PKM: variants seen among roughly 807,000 people sequenced by gnomAD.
The protein encoded by PKM is pyruvate kinase PKM.
A neutral mutation model predicts 49.8 loss-of-function variants in PKM; 18 were observed. The observed-to-expected ratio is 0.36, with a 90% CI of 0.25 to 0.54. The LOEUF is 0.54. PKM is among the 20% of genes least tolerant of loss of function. The pLI is 0.89. For synonymous variants in PKM, 239 were observed against 261.8 expected, an observed-to-expected ratio of 0.91 and a Z score of 0.84; for missense variants, 508 against 713.8, an observed-to-expected ratio of 0.71 and a Z score of 3.28.
intron 5 of PKM, 50 bp downstream of exon 5, chr15:72,209,623 T>C (rs772394445): frequency 1.3e-6 from 2 of 1,537,124 alleles, no homozygotes; most frequent in African/African-American, 1.4e-5. Context: ...CAAGGAAGTT[T>C]AGAGACAAAA....
chr15:72,210,334 G>A lies in PKM; in HGVS notation c.378+13C>T, dbSNP rs764026546. ...CTACTGAGCCTTCCCCTCGCTCTCC[G>A]CAGAATACTCACGCCCTTGATGAGC... is the stretch of plus-strand genomic sequence containing the variant. On this transcript the variant is annotated intron_variant, in intron 4 of 10. Coordinates refer to ENST00000335181, the MANE Select transcript of PKM (RefSeq NM_002654.6). 22 of 1,613,286 alleles carry A rather than the reference G, an allele frequency of 1.4e-5. No individual in the cohort carries two copies. The Admixed American group carries it at 2.2e-4, about 16-fold the overall frequency.
At chr15:72,217,843 C>G (rs892458512) in intron 2 of PKM, among the ~76,000 whole-genome samples, 1 of 152,196 alleles carries the variant, frequency 6.6e-6, no homozygotes, top group Admixed American at 6.5e-5. Context: ...TTTCCTAGGT[C>G]TTTAAGTTGC....
chr15:72,206,617 A>T, intron 8 of PKM, 111 bp downstream of exon 8: 1 of 1,088,702 alleles, frequency 9.2e-7, no homozygotes, highest in Non-Finnish European at 1.4e-6. Flanking sequence ...GAGGATAATG[A>T]AAGGCTGTGC....
At chr15:72,227,806 A>C in intron 1 of PKM, among the ~76,000 whole-genome samples, 1 of 150,130 alleles carries the variant, frequency 6.7e-6, no homozygotes, top group East Asian at 2.0e-4. Flanking sequence ...ACTAAAACCC[A>C]AGTAAAGTGA....
In PKM at chr15:72,207,148, C is replaced by G. The variant is rs1379467988; in HGVS notation, c.966G>C (p.Lys322Asn). The change falls in exon 7 of 11, where the codon AAG (lysine) becomes AAC (asparagine). Residue 322 changes from lysine to asparagine, a missense_variant. Transcript: ENST00000335181. ...ATGCCTGAGTAGCACAGATGACAGG[C>G]TTCCCAGCTCGGTTGCACCGTCCAA... Reference protein sequence around the residue: ...MMIGRCNRAGKPVICATQMLE... With the variant: ...MMIGRCNRAGNPVICATQMLE... 2 of 1,613,886 alleles carry G rather than the reference C, an allele frequency of 1.2e-6. No individual in the cohort carries two copies. The highest frequency in any genetic ancestry group is 1.7e-6 in the Non-Finnish European group (2 of 1,180,028).
At chr15:72,224,406 G>C (rs73438405) in intron 1 of PKM, among the ~76,000 whole-genome samples, 1 of 152,070 alleles carries the variant, frequency 6.6e-6, no homozygotes, top group South Asian at 2.1e-4. Context: ...CATTCTAGTC[G>C]GGGGGATAAA....
At chr15:72,199,826 C>G in intron 10 of PKM, 70 bp from the exon 11 acceptor site, 1 of 980,818 alleles carries the variant, frequency 1.0e-6, no homozygotes, top group Non-Finnish European at 1.6e-6. Flanking sequence ...GCAGCTGCCC[C>G]ATAGCCTGAG....
intron 3 of PKM, among the ~76,000 whole-genome samples, chr15:72,212,584 A>G (rs778128245): frequency 6.6e-6 from 1 of 152,212 alleles, no homozygotes; most frequent in African/African-American, 2.4e-5. Context: ...TACATGAAGT[A>G]TTAGGACAAA....
chr15:72,207,015 T>C, intron 7 of PKM, 112 bp downstream of exon 7: 1 of 1,490,520 alleles, frequency 6.7e-7, no homozygotes, highest in Non-Finnish European at 9.3e-7. Flanking sequence ...AAGGGGATTA[T>C]CTGTGTGTTA....
At chr15:72,208,532 G>A (rs1446496075) in intron 6 of PKM, 89 bp downstream of exon 6, 2 of 1,395,054 alleles carry the variant, frequency 1.4e-6, no homozygotes, top group Non-Finnish European at 1.0e-6. Context: ...ATTCTGATGG[G>A]CTAGGGGCTG....
chr15:72,226,956 G>T (rs1354675669), intron 1 of PKM, among the ~76,000 whole-genome samples: 5 of 152,318 alleles, frequency 3.3e-5, no homozygotes, highest in Admixed American at 3.3e-4. Context: ...CCCAACTCCT[G>T]AGCTGAGCAG....
Position 72,200,414 on chromosome 15 carries a change from A to G in PKM, c.1489+60T>C, listed in dbSNP as rs2081913191. The G allele has an allele frequency of 6.5e-7, 1 of 1,540,414 alleles. No individual in the cohort carries two copies. Among genetic ancestry groups the G allele is most frequent in the African/African-American group, 1.4e-5 (1 of 73,518 alleles). On this transcript the variant is annotated intron_variant, in intron 10 of 10. Transcript: ENST00000335181. This position sits in a 1 kb window ranked among gnomAD's most constrained non-coding sequence, Gnocchi z 4.6. ...CCCCAAACTTTCGGGGTCCCACAGA[A>G]GCCAATGCTCAAGCATCCCCAAGCT... is the stretch of plus-strand genomic sequence containing the variant.
chr15:72,229,435 A>G (rs2082779768), intron 1 of PKM: 1 of 557,722 alleles, frequency 1.8e-6, no homozygotes, highest in Admixed American at 2.4e-5. Context: ...CAACTTCCCA[A>G]TGTCTCTCTC....
In PKM at chr15:72,208,662, G is replaced by C; in HGVS notation, c.795C>G (p.Ile265Met). 6.2e-7 allele frequency: 1 copy of C among 1,614,100 alleles called. No homozygotes were observed. Among genetic ancestry groups the C allele is most frequent in the Non-Finnish European group, 8.5e-7 (1 of 1,180,016 alleles). Residue 265 changes from isoleucine (I) to methionine (M), a missense_variant, in exon 6 of 11, where the codon ATC (isoleucine) becomes ATG (methionine). By Grantham distance (10) the Ile-to-Met change is conservative. Transcript: ENST00000335181. ...RKVLGEKGKN[I>M]KIISKIENHE... ...GATTCTCGATTTTGCTGATAATCTT[G>C]ATGTTCTTTCCCTTCTCTCCCAGGA...
Position 72,200,765 on chromosome 15 carries a change from G to A in PKM, c.1308-110C>T. ...CTCATCCAGCTCACTGAGGGCTCTG[G>A]CCTCTTCAACATCTGCTCCCTAGGA... On this transcript the variant is annotated intron_variant, in intron 9 of 10. Transcript: ENST00000335181. The surrounding 1 kb of genome is among the most constrained non-coding windows in gnomAD (Gnocchi z 4.6). The A allele has an allele frequency of 1.1e-6, 1 of 947,342 alleles. No individual in the cohort carries two copies. The highest frequency in any genetic ancestry group is 2.4e-5 in the Admixed American group (1 of 41,468). The allele number at this position is 947,342 out of a possible 1,614,324, so 58.7% of individuals were successfully genotyped here.
chr15:72,229,705 T>C, intron 1 of PKM: 1 of 1,215,280 alleles, frequency 8.2e-7, no homozygotes, highest in Non-Finnish European at 1.1e-6. Flanking sequence ...AGGAGATACA[T>C]TTTAAGATTG....
chr15:72,204,478 T>TG (rs2082022613), intron 8 of PKM: 1 of 152,192 alleles, frequency 6.6e-6, no homozygotes, highest in Non-Finnish European at 1.5e-5. Context: ...AGGCTCCAAA[T>TG]GGAGACCTGT....
At chr15:72,203,155 G>A (rs199853847) in intron 8 of PKM, 213 of 1,613,822 alleles carry the variant, frequency 1.3e-4, no homozygotes, top group South Asian at 7.7e-4. Context: ...AACAGCTTGC[G>A]GTGGAACATG....
At position 72,229,799 on chromosome 15, in the gene PKM, TTCA is replaced by T. The variant is rs2082794398; in HGVS notation, c.-14+1314_-14+1316del. 40 of 732,904 alleles carry T rather than the reference TTCA, an allele frequency of 5.5e-5. No individual in the cohort carries two copies. The South Asian group carries it at 1.6e-3, about 29-fold the overall frequency. 45.4% of individuals were successfully genotyped at this position (732,904 alleles called of 1,614,324 possible). A position where few individuals can be genotyped will look rare whatever the true frequency, so the allele number is the denominator to read the frequency against. On this transcript the variant is annotated intron_variant, in intron 1 of 10. Coordinates refer to ENST00000335181, the MANE Select transcript of PKM (RefSeq NM_002654.6). ...CAGCCCTTGACCCACACCGTTTGCGTTCAGTGAACGCGACAGATTTCCTGCCCC... is the reference window on the plus strand; with the variant it reads ...CAGCCCTTGACCCACACCGTTTGCGTGTGAACGCGACAGATTTCCTGCCCC...
Sources: allele counts gnomAD v4.1 joint callset (sites outside exome capture counted in the v4.1 genomes callset), GRCh38; gene constraint gnomAD v4.1.1; non-coding constraint Gnocchi (gnomAD v3.1); transcripts MANE v1.5; gene names NCBI Gene and HGNC (gene_info 2026-07-23, HGNC 2026-07-21).